CTNNA2: variants seen among roughly 807,000 people sequenced by gnomAD.
CTNNA2 encodes catenin alpha 2.
A neutral mutation model predicts 101.0 loss-of-function variants in CTNNA2; 42 were observed. That is an observed-to-expected ratio of 0.42 (90% CI 0.32 to 0.54). The LOEUF is 0.54. Among genes scored for constraint, CTNNA2 ranks in the 20% least tolerant of loss-of-function variants. CTNNA2 has a pLI of 0.14. For missense variants in CTNNA2, 871 were observed against 1,223.1 expected (o/e 0.71, Z 4.29); for synonymous variants, 450 against 456.4 (o/e 0.99, Z 0.18).
Position 80,466,179 on chromosome 2 carries a change from G to A in CTNNA2, c.1290+46578G>A, listed in dbSNP as rs78045048. Among the ~76,000 whole-genome samples the A allele has an allele frequency of 4.9e-3, 742 of 152,178 alleles. 7 individuals are homozygous for A. Among genetic ancestry groups the A allele is most frequent in the African/African-American group, 0.017 (687 of 41,524 alleles). The stretch of plus-strand genomic sequence containing the variant: ...TTGGAAAACTCATCGGCATTCTAGC[G>A]TATAAAGTAATAGAAATCTGAATCC... On this transcript the variant is annotated intron_variant, in intron 9 of 18. Coordinates refer to ENST00000402739, the MANE Select transcript of CTNNA2 (RefSeq NM_001282597.3).
At chr2:79,890,003 C>A (rs975043119) in intron 6 of CTNNA2, among the ~76,000 whole-genome samples, 2 of 152,158 alleles carry the variant, frequency 1.3e-5, no homozygotes, top group Non-Finnish European at 2.9e-5. Flanking sequence ...TGATTCTTAA[C>A]GTGAGACCTA....
At chr2:80,440,758 G>A (rs1682487813) in intron 9 of CTNNA2, among the ~76,000 whole-genome samples, 1 of 152,214 alleles carries the variant, frequency 6.6e-6, no homozygotes, top group Non-Finnish European at 1.5e-5. Flanking sequence ...TCTCTTAGGG[G>A]GATTCTTTAT....
At chr2:80,281,759 A>G (rs1674401507) in intron 7 of CTNNA2, among the ~76,000 whole-genome samples, 1 of 152,116 alleles carries the variant, frequency 6.6e-6, no homozygotes, top group African/African-American at 2.4e-5. Context: ...TAATGAAATT[A>G]CTTAAATATA....
chr2:80,221,120 T>C (rs111683929), intron 7 of CTNNA2, among the ~76,000 whole-genome samples: 4,477 of 152,240 alleles, frequency 0.029, 234 homozygotes, highest in African/African-American at 0.1. Flanking sequence ...TGACCTCAAG[T>C]GATCCACCTC....
chr2:80,313,571 T>C (rs746302870), intron 7 of CTNNA2: 6 of 1,611,024 alleles, frequency 3.7e-6, no homozygotes, highest in Non-Finnish European at 5.1e-6. Context: ...GATGGATGGA[T>C]GGAGAAGGCC....
chr2:80,195,245 G>C lies in CTNNA2; in HGVS notation c.1057-197966G>C, dbSNP rs541887455. On this transcript the variant is annotated intron_variant, in intron 7 of 18. Coordinates refer to ENST00000402739, the MANE Select transcript of CTNNA2 (RefSeq NM_001282597.3). ...TTTCTGTACTCCAATAGGACTATAA[G>C]CATGTTTACAGACAGACAAATCTGT... Among the ~76,000 whole-genome samples the C allele has an allele frequency of 2.6e-5, 4 of 152,082 alleles. No individual in the cohort carries two copies. The East Asian group carries it at 7.7e-4, about 29-fold the overall frequency.
At chr2:79,424,644 AG>A (rs1368047724) in intron 4 of CTNNA2, among the ~76,000 whole-genome samples, 3 of 152,128 alleles carry the variant, frequency 2.0e-5, no homozygotes, top group African/African-American at 7.2e-5. Context: ...CTGGAGGCCA[AG>A]TATCAGATAG....
intron 4 of CTNNA2, among the ~76,000 whole-genome samples, chr2:79,490,577 A>C (rs552135804): frequency 6.6e-6 from 1 of 152,312 alleles, no homozygotes; most frequent in South Asian, 2.1e-4. Context: ...CTTTTAGACC[A>C]TTAAATAATG....
At chr2:79,750,098 G>T (rs76818085) in intron 3 of CTNNA2, among the ~76,000 whole-genome samples, 2 of 152,268 alleles carry the variant, frequency 1.3e-5, no homozygotes, top group African/African-American at 4.8e-5. Flanking sequence ...TCACAGAAAA[G>T]CTTCTTGAAA....
chr2:79,396,304 G>A (rs906697254), intron 4 of CTNNA2, among the ~76,000 whole-genome samples: 9 of 151,986 alleles, frequency 5.9e-5, no homozygotes, highest in Admixed American at 2.6e-4. Context: ...GATTACAGGT[G>A]CCTGCCAACA....
intron 9 of CTNNA2, among the ~76,000 whole-genome samples, chr2:80,437,648 T>TATG (rs1231776650): frequency 1.3e-5 from 2 of 152,200 alleles, no homozygotes; most frequent in Non-Finnish European, 2.9e-5. Context: ...TTTGGTAAAA[T>TATG]ATGGACAGTT....
rs779278586 is a variant in CTNNA2 at position 80,303,163 on chromosome 2, G to A, written c.1057-90048G>A. 6.2e-7 allele frequency: 1 copy of A among 1,614,122 alleles called. No homozygotes were observed. Among genetic ancestry groups the A allele is most frequent in the Non-Finnish European group, 8.5e-7 (1 of 1,180,008 alleles). ...GGGCGAAGTTCACCTTGACCAAGTC[G>A]TTGTGCTCGAGGTGCAGCTCGGTGA... On this transcript the variant is annotated intron_variant, in intron 7 of 18. Transcript: ENST00000402739. The surrounding 1 kb of genome is among the most constrained non-coding windows in gnomAD (Gnocchi z 7.7).
intron 7 of CTNNA2, among the ~76,000 whole-genome samples, chr2:80,265,394 G>A (rs1354820816): frequency 6.6e-6 from 1 of 152,164 alleles, no homozygotes. Context: ...GAGTTGGGAG[G>A]CTGTTGGTAA....
chr2:79,670,364 T>G (rs1324703314), intron 2 of CTNNA2, among the ~76,000 whole-genome samples: 1 of 152,090 alleles, frequency 6.6e-6, no homozygotes, highest in Non-Finnish European at 1.5e-5. Context: ...CCCTCCTGGG[T>G]AGGGCTCCTG....
chr2:79,945,343 T>C (rs1688424493), intron 7 of CTNNA2, among the ~76,000 whole-genome samples: 1 of 152,144 alleles, frequency 6.6e-6, no homozygotes, highest in African/African-American at 2.4e-5. Context: ...GCTTTGCCGT[T>C]ATTTGTTTTT....
At chr2:79,548,877 C>T (rs1416676738) in intron 1 of CTNNA2, among the ~76,000 whole-genome samples, 3 of 152,198 alleles carry the variant, frequency 2.0e-5, no homozygotes, top group Admixed American at 2.0e-4. Flanking sequence ...CTGCAGCCTT[C>T]TCCATGTCAC....
At chr2:80,164,937 T>G in intron 7 of CTNNA2, among the ~76,000 whole-genome samples, 1 of 139,948 alleles carries the variant, frequency 7.1e-6, no homozygotes, top group African/African-American at 3.1e-5. Flanking sequence ...TCCCAACTTT[T>G]GGTTTTTTTT....
chr2:79,837,765 A>G (rs990657688), intron 3 of CTNNA2, among the ~76,000 whole-genome samples: 1 of 152,130 alleles, frequency 6.6e-6, no homozygotes, highest in African/African-American at 2.4e-5. Context: ...TTTAAAAAAA[A>G]TCAACAGTTG....
At chr2:79,660,500 T>C (rs1681960368) in intron 2 of CTNNA2, among the ~76,000 whole-genome samples, 1 of 152,010 alleles carries the variant, frequency 6.6e-6, no homozygotes, top group African/African-American at 2.4e-5. Context: ...TTTATTGTTT[T>C]ATAAATATGG....
Sources: gnomAD v4.1 joint callset for allele counts (sites outside exome capture counted in the v4.1 genomes callset) on GRCh38, gnomAD v4.1.1 for gene constraint, Gnocchi (gnomAD v3.1) non-coding constraint, MANE v1.5 for transcripts, NCBI Gene and HGNC (gene_info 2026-07-23, HGNC 2026-07-21) for gene names.